LOC128125814: variants seen among roughly 807,000 people sequenced by gnomAD.
the LOC128125814 span, among the ~76,000 whole-genome samples, chr12:57,518,222 G>C: frequency 6.6e-6 from 1 of 151,774 alleles, no homozygotes; most frequent in Non-Finnish European, 1.5e-5. Flanking sequence ...GCAGAAGAGG[G>C]CCTGACTTTC....
chr12:57,520,476 A>G, the LOC128125814 span: 2 of 398,554 alleles, frequency 5.0e-6, no homozygotes, highest in African/African-American at 2.1e-5. Flanking sequence ...GCTCATCTTT[A>G]ACATGATACG....
chr12:57,519,504 AG>A, the LOC128125814 span, among the ~76,000 whole-genome samples: 1 of 152,232 alleles, frequency 6.6e-6, no homozygotes, highest in Non-Finnish European at 1.5e-5. Flanking sequence ...CTTATAGGGA[AG>A]GGGCAGAAGC....
the LOC128125814 span, among the ~76,000 whole-genome samples, chr12:57,520,165 A>G: frequency 6.6e-6 from 1 of 152,210 alleles, no homozygotes; most frequent in Non-Finnish European, 1.5e-5. Flanking sequence ...TGAATTTCCC[A>G]AGGGCAACCG....
chr12:57,520,140 G>A, the LOC128125814 span, among the ~76,000 whole-genome samples: 1 of 152,326 alleles, frequency 6.6e-6, no homozygotes, highest in East Asian at 1.9e-4. Flanking sequence ...GCCTGAAGTT[G>A]GCTACGGGAA....
the LOC128125814 span, chr12:57,520,373 T>C: frequency 2.0e-5 from 8 of 398,498 alleles, no homozygotes; most frequent in Non-Finnish European, 3.1e-5. Flanking sequence ...CGCCCCAACT[T>C]TGAGGAGACG....
At chr12:57,519,218 C>G in the LOC128125814 span, 3 of 532,884 alleles carry the variant, frequency 5.6e-6, no homozygotes, top group Non-Finnish European at 1.2e-5. Flanking sequence ...TATTTCATGT[C>G]ATGGAAGTCA....
At chr12:57,519,829 A>T in the LOC128125814 span, among the ~76,000 whole-genome samples, 1 of 152,194 alleles carries the variant, frequency 6.6e-6, no homozygotes, top group East Asian at 1.9e-4. Flanking sequence ...TCTCTTGTGC[A>T]GGAGGCCCAG....
At chr12:57,519,326 G>T in the LOC128125814 span, 3 of 415,016 alleles carry the variant, frequency 7.2e-6, no homozygotes, top group South Asian at 3.5e-5. Context: ...TCCTTTCTCT[G>T]CTTTAGCTTT....
At chr12:57,517,721 G>A in the LOC128125814 span, 1 of 552,262 alleles carries the variant, frequency 1.8e-6, no homozygotes, top group Non-Finnish European at 3.2e-6. Context: ...TTCAGGTGTG[G>A]TGATGTATGA....
At chr12:57,518,419 AT>A in the LOC128125814 span, among the ~76,000 whole-genome samples, 1 of 152,168 alleles carries the variant, frequency 6.6e-6, no homozygotes, top group African/African-American at 2.4e-5. Context: ...CCAAATGTAC[AT>A]TTCCAGTCTG....
chr12:57,517,867 G>A, the LOC128125814 span: 1 of 409,830 alleles, frequency 2.4e-6, no homozygotes, highest in Non-Finnish European at 4.2e-6. Flanking sequence ...TTGCTCTGTT[G>A]CCAGGCTGAA....
the LOC128125814 span, among the ~76,000 whole-genome samples, chr12:57,519,817 G>C: frequency 6.6e-6 from 1 of 152,206 alleles, no homozygotes; most frequent in African/African-American, 2.4e-5. Context: ...GATCCAGGCT[G>C]CTCTCTTGTG....
the LOC128125814 span, chr12:57,517,738 A>C: frequency 2.0e-6 from 1 of 503,054 alleles, no homozygotes; most frequent in Non-Finnish European, 3.5e-6. Context: ...ATGAAGATAC[A>C]CTTCCTTCTT....
the LOC128125814 span, among the ~76,000 whole-genome samples, chr12:57,519,005 A>G: frequency 6.6e-6 from 1 of 152,204 alleles, no homozygotes; most frequent in Non-Finnish European, 1.5e-5. Context: ...TTTGCTTAGA[A>G]GAATCTAAAC....
the LOC128125814 span, chr12:57,517,831 T>TC: frequency 2.3e-6 from 1 of 428,120 alleles, no homozygotes; most frequent in Non-Finnish European, 4.1e-6. Context: ...TTTTTTTCTT[T>TC]CTTTTTTTTT....
chr12:57,520,153 A>G, the LOC128125814 span, among the ~76,000 whole-genome samples: 1 of 152,334 alleles, frequency 6.6e-6, no homozygotes, highest in South Asian at 2.1e-4. Flanking sequence ...TACGGGAAAG[A>G]ATGAATTTCC....
At chr12:57,518,596 AC>A in the LOC128125814 span, among the ~76,000 whole-genome samples, 2 of 152,152 alleles carry the variant, frequency 1.3e-5, no homozygotes, top group Non-Finnish European at 2.9e-5. Context: ...TAAGCTAAAA[AC>A]CTTGGTATCA....
chr12:57,520,463 C>A, the LOC128125814 span: 2 of 398,680 alleles, frequency 5.0e-6, no homozygotes, highest in Non-Finnish European at 4.4e-6. Flanking sequence ...GTCGCTGCCA[C>A]CCGCTCATCT....
the LOC128125814 span, among the ~76,000 whole-genome samples, chr12:57,518,271 TAA>T: frequency 6.6e-6 from 1 of 152,202 alleles, no homozygotes; most frequent in African/African-American, 2.4e-5. Flanking sequence ...CCTGGTTACA[TAA>T]TAGTAAAGTC....
Sources: gnomAD v4.1 joint callset for allele counts (sites outside exome capture counted in the v4.1 genomes callset) on GRCh38, gnomAD v4.1.1 for gene constraint, MANE v1.5 for transcripts.